Variants in ITGA9 observed in about 807,000 individuals in gnomAD.
The protein encoded by ITGA9 is integrin alpha-9.
A neutral mutation model predicts 127.8 loss-of-function variants in ITGA9; 56 were observed. The observed-to-expected ratio is 0.44, with a 90% CI of 0.35 to 0.55. The LOEUF (loss-of-function observed/expected upper bound fraction) is 0.55. ITGA9 is among the 20% of genes least tolerant of loss of function. ITGA9 has a pLI of 0.00. For missense variants in ITGA9, 1,196 were observed against 1,347.1 expected (o/e 0.89, Z 1.76); for synonymous variants, 508 against 514.5 (o/e 0.99, Z 0.17).
chr3:37,724,970 CT>C (rs1701231120), intron 18 of ITGA9, among the ~76,000 whole-genome samples: 1 of 152,186 alleles, frequency 6.6e-6, no homozygotes, highest in South Asian at 2.1e-4. Context: ...TATACTTGAT[CT>C]TTGTATCCAG....
chr3:37,628,301 A>G (rs538047098), intron 15 of ITGA9, among the ~76,000 whole-genome samples: 1 of 152,212 alleles, frequency 6.6e-6, no homozygotes, highest in East Asian at 1.9e-4. Flanking sequence ...AGAATGTGGG[A>G]CCACCTACCA....
chr3:37,732,842 G>A (rs968806930), intron 19 of ITGA9, 44 bp downstream of exon 19: 37 of 1,450,726 alleles, frequency 2.6e-5, no homozygotes, highest in Non-Finnish European at 3.2e-5. Context: ...CAGGCCCCCA[G>A]CCCTTCCACC....
chr3:37,683,822 T>A, intron 17 of ITGA9, 43 bp from the exon 18 acceptor site: 1 of 1,605,414 alleles, frequency 6.2e-7, no homozygotes, highest in South Asian at 1.1e-5. Flanking sequence ...GTTATATTAG[T>A]GTAGGCCTCA....
chr3:37,571,120 G>T (rs1484733067), intron 15 of ITGA9, among the ~76,000 whole-genome samples: 1 of 152,152 alleles, frequency 6.6e-6, no homozygotes, highest in African/African-American at 2.4e-5. Flanking sequence ...GCCCTTTTTG[G>T]GGGCAGGAGG....
intron 13 of ITGA9, among the ~76,000 whole-genome samples, chr3:37,528,790 A>G (rs1231230178): frequency 6.6e-6 from 1 of 152,206 alleles, no homozygotes; most frequent in Non-Finnish European, 1.5e-5. Flanking sequence ...ATGCAATAAA[A>G]TGCACCAATT....
intron 18 of ITGA9, among the ~76,000 whole-genome samples, chr3:37,707,998 C>T (rs560183113): frequency 2.2e-4 from 34 of 152,322 alleles, no homozygotes; most frequent in Admixed American, 7.2e-4. Flanking sequence ...TTGTTCTTCA[C>T]AGCAGCTCTG....
At chr3:37,666,710 A>G (rs1433335547) in intron 17 of ITGA9, among the ~76,000 whole-genome samples, 1 of 152,142 alleles carries the variant, frequency 6.6e-6, no homozygotes, top group Non-Finnish European at 1.5e-5. Context: ...GATCAAAGCA[A>G]ATGTCACAGG....
intron 15 of ITGA9, among the ~76,000 whole-genome samples, chr3:37,603,719 C>T (rs1699942912): frequency 6.6e-6 from 1 of 152,230 alleles, no homozygotes; most frequent in Admixed American, 6.5e-5. Flanking sequence ...CCCAGTGTGC[C>T]AGACATCATC....
chr3:37,588,983 C>T (rs946146993), intron 15 of ITGA9, among the ~76,000 whole-genome samples: 1 of 152,144 alleles, frequency 6.6e-6, no homozygotes, highest in African/African-American at 2.4e-5. Context: ...GACAGGATTA[C>T]AGAAGATGTT....
At chr3:37,543,901 A>G (rs1053202541) in intron 15 of ITGA9, among the ~76,000 whole-genome samples, 7 of 152,212 alleles carry the variant, frequency 4.6e-5, no homozygotes, top group African/African-American at 1.7e-4. Context: ...GATGCTGGCC[A>G]TTTATAAAGC....
intron 8 of ITGA9, among the ~76,000 whole-genome samples, chr3:37,511,109 C>T (rs1698900652): frequency 6.6e-6 from 1 of 152,194 alleles, no homozygotes; most frequent in African/African-American, 2.4e-5. Flanking sequence ...CGGTTCACTT[C>T]TGCTTCCGTT....
intron 27 of ITGA9, among the ~76,000 whole-genome samples, chr3:37,810,607 G>T (rs547639076): frequency 6.6e-6 from 1 of 152,064 alleles, no homozygotes; most frequent in South Asian, 2.1e-4. Flanking sequence ...GTAGAGACAG[G>T]GTTTCACCAT....
intron 26 of ITGA9, among the ~76,000 whole-genome samples, chr3:37,796,948 G>C (rs1392333227): frequency 1.3e-5 from 2 of 152,134 alleles, no homozygotes; most frequent in Admixed American, 1.3e-4. Context: ...GAAGTATACA[G>C]CTGTGGTTTT....
At chr3:37,771,747 A>G (rs1486704918) in intron 23 of ITGA9, among the ~76,000 whole-genome samples, 1 of 152,172 alleles carries the variant, frequency 6.6e-6, no homozygotes, top group East Asian at 1.9e-4. Flanking sequence ...GAGACTGTGC[A>G]GAATAGGCCT....
chr3:37,542,097 C>G (rs1699278324), intron 14 of ITGA9, among the ~76,000 whole-genome samples: 1 of 152,202 alleles, frequency 6.6e-6, no homozygotes, highest in Non-Finnish European at 1.5e-5. Flanking sequence ...GGACACTAAC[C>G]TGTGTTGGGT....
chr3:37,804,423 G>A (rs1013925481), intron 27 of ITGA9, among the ~76,000 whole-genome samples: 8 of 152,194 alleles, frequency 5.3e-5, no homozygotes, highest in Non-Finnish European at 8.8e-5. Flanking sequence ...CCTCATGGTG[G>A]TTCATTTGGA....
chr3:37,480,764 T>C (rs1315231346), intron 3 of ITGA9, among the ~76,000 whole-genome samples: 2 of 152,160 alleles, frequency 1.3e-5, no homozygotes, highest in Admixed American at 6.5e-5. Context: ...CTTGGGCCTG[T>C]CAGCTCTGAA....
At position 37,594,287 on chromosome 3, in the gene ITGA9, G is replaced by A. The variant is rs75354103; in HGVS notation, c.1690-34900G>A. ...ACCAGGAGCAAGTGGAGCTGGGGAG[G>A]GGACTCACATCTCTGTCTGTGGGAA... On this transcript the variant is annotated intron_variant, in intron 15 of 27. Coordinates refer to ENST00000264741, the MANE Select transcript of ITGA9 (RefSeq NM_002207.3). Among the ~76,000 whole-genome samples, 372 of 152,314 alleles carry A rather than the reference G, an allele frequency of 2.4e-3. 2 individuals are homozygous for A. The highest frequency in any genetic ancestry group is 8.7e-3 in the African/African-American group (361 of 41,566).
chr3:37,510,019 G>C (rs1272846999), intron 8 of ITGA9, among the ~76,000 whole-genome samples: 1 of 140,792 alleles, frequency 7.1e-6, no homozygotes, highest in Non-Finnish European at 1.5e-5. Flanking sequence ...AAAGGTAAAG[G>C]ATTCCTTTTT....
Sources: gnomAD v4.1 joint callset for allele counts (sites outside exome capture counted in the v4.1 genomes callset) on GRCh38, gnomAD v4.1.1 for gene constraint, MANE v1.5 for transcripts, NCBI Gene and HGNC (gene_info 2026-07-23, HGNC 2026-07-21) for gene names.